PPP1R12A: variants seen among roughly 807,000 people sequenced by gnomAD.
PPP1R12A encodes the protein myosin binding subunit.
In PPP1R12A, 19 loss-of-function variants were observed where a neutral mutation model predicts 139.6. The ratio of observed to expected loss-of-function variants is 0.14; its 90% confidence interval spans 0.09 to 0.20. PPP1R12A has a LOEUF of 0.20. PPP1R12A is among the 10% of genes least tolerant of loss of function. The probability of loss-of-function intolerance (pLI) is 1.00; values close to 1 mark genes in which losing one functional copy is unlikely to be tolerated. For missense variants in PPP1R12A, 925 were observed against 1,211.5 expected (o/e 0.76, Z 3.51); for synonymous variants, 427 against 420.6 (o/e 1.02, Z -0.19).
chr12:79,816,458 A>T (rs1875399086), intron 9 of PPP1R12A, among the ~76,000 whole-genome samples: 1 of 151,874 alleles, frequency 6.6e-6, no homozygotes, highest in African/African-American at 2.4e-5. Flanking sequence ...AAAAAAAGAT[A>T]AAAAAAAGGA....
chr12:79,891,494 C>A (rs933811757), intron 1 of PPP1R12A, among the ~76,000 whole-genome samples: 2 of 152,036 alleles, frequency 1.3e-5, no homozygotes, highest in Non-Finnish European at 2.9e-5. Context: ...AAATAGGAAC[C>A]AACTGCTAAG....
chr12:79,859,334 C>CT (rs1881042676), intron 2 of PPP1R12A, among the ~76,000 whole-genome samples: 2 of 105,868 alleles, frequency 1.9e-5, no homozygotes, highest in African/African-American at 3.6e-5. Flanking sequence ...GAGACTCTGT[C>CT]TTTAAAAAAA....
intron 24 of PPP1R12A, among the ~76,000 whole-genome samples, chr12:79,777,838 T>TA (rs1461130860): frequency 2.6e-5 from 4 of 152,062 alleles, no homozygotes; most frequent in Non-Finnish European, 5.9e-5. Flanking sequence ...GCAAACAAAA[T>TA]ACAAAAGATT....
intron 1 of PPP1R12A, among the ~76,000 whole-genome samples, chr12:79,932,222 A>C (rs1888304821): frequency 6.6e-6 from 1 of 152,310 alleles, no homozygotes; most frequent in East Asian, 1.9e-4. Flanking sequence ...TAGTTTTTAC[A>C]ATTAAGTATG....
At chr12:79,898,613 T>C (rs1273224486) in intron 1 of PPP1R12A, among the ~76,000 whole-genome samples, 4 of 152,144 alleles carry the variant, frequency 2.6e-5, no homozygotes, top group Admixed American at 2.6e-4. Flanking sequence ...AGAAATAGTC[T>C]ACCACTCACA....
At chr12:79,858,182 T>C (rs1424578597) in intron 2 of PPP1R12A, among the ~76,000 whole-genome samples, 1 of 152,124 alleles carries the variant, frequency 6.6e-6, no homozygotes, top group Non-Finnish European at 1.5e-5. Context: ...TGAATGAAAA[T>C]ATGACAAATT....
chr12:79,804,359 C>G (rs1033061527), intron 14 of PPP1R12A, among the ~76,000 whole-genome samples: 1 of 151,940 alleles, frequency 6.6e-6, no homozygotes, highest in Non-Finnish European at 1.5e-5. Context: ...TATACTGGTA[C>G]TCAAATCACA....
intron 1 of PPP1R12A, among the ~76,000 whole-genome samples, chr12:79,883,124 A>G (rs1883795719): frequency 6.6e-6 from 1 of 152,180 alleles, no homozygotes; most frequent in South Asian, 2.1e-4. Context: ...GCGACAGAGC[A>G]AGACTCCGTC....
chr12:79,892,446 C>T (rs1436472375), intron 1 of PPP1R12A, among the ~76,000 whole-genome samples: 3 of 151,962 alleles, frequency 2.0e-5, no homozygotes, highest in Admixed American at 6.6e-5. Flanking sequence ...AATTATTATT[C>T]GTTTAATATT....
Position 79,797,254 on chromosome 12 carries a change from C to G in PPP1R12A, c.2233G>C (p.Glu745Gln). ...QDKEKQEEKK[E>Q]SETSREDEYK... Reference sequence around the variant, plus strand: ...TCATCTTCTCTAGATGTTTCTGACTCCTTCTTTTCTTCTTGTTTCTCTTTA... The same window carrying G: ...TCATCTTCTCTAGATGTTTCTGACTGCTTCTTTTCTTCTTGTTTCTCTTTA... Residue 745 changes from glutamate to glutamine, a missense_variant, in exon 16 of 25, where the codon GAG becomes CAG. Physicochemically the swap from Glu to Gln is conservative, Grantham distance 29. Transcript: ENST00000450142. 6.3e-7 allele frequency: 1 copy of G among 1,588,984 alleles called. No homozygotes were observed. The highest frequency in any genetic ancestry group is 1.1e-5 in the South Asian group (1 of 87,936).
intron 3 of PPP1R12A, 73 bp downstream of exon 3, chr12:79,845,229 A>G: frequency 8.4e-7 from 1 of 1,187,640 alleles, no homozygotes; most frequent in Non-Finnish European, 1.2e-6. Flanking sequence ...TTCAATGTCA[A>G]CAAATATTTT....
chr12:79,780,928 CTTTT>C (rs776095865), intron 23 of PPP1R12A, among the ~76,000 whole-genome samples: 5 of 151,546 alleles, frequency 3.3e-5, no homozygotes, highest in Admixed American at 2.0e-4. Flanking sequence ...AACCATTTCT[CTTTT>C]TTTTGGTGAA....
chr12:79,808,420 ACTC>A, intron 11 of PPP1R12A, 60 bp downstream of exon 11: 1 of 1,097,632 alleles, frequency 9.1e-7, no homozygotes, highest in Non-Finnish European at 1.4e-6. Flanking sequence ...TCATGTATTA[ACTC>A]TAATGCTAGA....
At chr12:79,796,098 T>C (rs1456025375) in intron 17 of PPP1R12A, among the ~76,000 whole-genome samples, 1 of 152,144 alleles carries the variant, frequency 6.6e-6, no homozygotes, top group Admixed American at 6.6e-5. Flanking sequence ...TGAGAAAATA[T>C]ATAGCTGGAA....
At chr12:79,923,464 G>C (rs1887600715) in intron 1 of PPP1R12A, among the ~76,000 whole-genome samples, 1 of 152,042 alleles carries the variant, frequency 6.6e-6, no homozygotes, top group African/African-American at 2.4e-5. Context: ...CTTTAACACA[G>C]AAATGTTTCT....
At chr12:79,823,332 T>C (rs1876367710) in intron 5 of PPP1R12A, among the ~76,000 whole-genome samples, 1 of 152,126 alleles carries the variant, frequency 6.6e-6, no homozygotes, top group African/African-American at 2.4e-5. Context: ...TGAAAGAAAG[T>C]TAAAATTTCT....
chr12:79,885,398 C>T (rs1172656689), intron 1 of PPP1R12A, among the ~76,000 whole-genome samples: 1 of 152,114 alleles, frequency 6.6e-6, no homozygotes, highest in Non-Finnish European at 1.5e-5. Context: ...ATTATTTTCT[C>T]CTTTTTATAT....
Position 79,806,161 on chromosome 12 carries a change from C to T in PPP1R12A, c.1823+5G>A, listed in dbSNP as rs1873806534. 6.2e-7 allele frequency: 1 copy of T among 1,613,364 alleles called. No individual in the cohort carries two copies. The highest frequency in any genetic ancestry group is 1.3e-5 in the African/African-American group (1 of 74,914). ...ACCTGAGCACAAAATGTATCTGTGA[C>T]TTACCTGCTTTGTGTGCCTGCTGAG... is the stretch of plus-strand genomic sequence containing the variant. On this transcript the variant is annotated splice_donor_5th_base_variant and intron_variant, in intron 13 of 24. Transcript: ENST00000450142.
intron 9 of PPP1R12A, among the ~76,000 whole-genome samples, chr12:79,811,169 A>C (rs34130746): frequency 0.1 from 15,756 of 152,168 alleles, 2,157 homozygotes; most frequent in African/African-American, 0.32. Context: ...CATTTCTTTC[A>C]TATCTATTGC....
Sources: gnomAD v4.1 joint callset for allele counts (sites outside exome capture counted in the v4.1 genomes callset) on GRCh38, gnomAD v4.1.1 for gene constraint, MANE v1.5 for transcripts, NCBI Gene and HGNC (gene_info 2026-07-23, HGNC 2026-07-21) for gene names.